PUDP: variants seen among roughly 807,000 people sequenced by gnomAD.
PUDP encodes the protein pseudouridine-5'-phosphatase.
PUDP carries 8 observed loss-of-function variants against 9.4 expected under a neutral mutation model. That is an observed-to-expected ratio of 0.85 (90% CI 0.50 to 1.53). The LOEUF is 1.53. PUDP is among the 40% of genes most tolerant of loss of function. PUDP has a pLI of 0.00. For synonymous variants in PUDP, 99 were observed against 80.7 expected, an observed-to-expected ratio of 1.23 and a Z score of -1.22; for missense variants, 188 against 189.7, an observed-to-expected ratio of 0.99 and a Z score of 0.05.
intron 2 of PUDP, among the ~76,000 whole-genome samples, chrX:7,096,435 G>A (rs1307364238): frequency 1.8e-5 from 2 of 110,835 alleles, no homozygotes; most frequent in African/African-American, 3.3e-5. Flanking sequence ...ACTGAGTAAC[G>A]GTTATCTCCA....
intron 3 of PUDP, among the ~76,000 whole-genome samples, chrX:6,857,261 GA>G (rs2146725947): frequency 8.8e-6 from 1 of 113,031 alleles, no homozygotes; most frequent in South Asian, 3.6e-4. Flanking sequence ...AGAATAATCA[GA>G]ATATAATGTG....
intron 2 of PUDP, among the ~76,000 whole-genome samples, chrX:7,093,605 CCT>C (rs1296509148): frequency 2.7e-5 from 3 of 111,687 alleles, no homozygotes; most frequent in Non-Finnish European, 5.6e-5. Context: ...CCCCTCAAAG[CCT>C]GTCTGTGCAG....
chrX:6,854,906 A>G (rs1479851439), intron 3 of PUDP, among the ~76,000 whole-genome samples: 1 of 111,524 alleles, frequency 9.0e-6, no homozygotes, highest in Non-Finnish European at 1.9e-5. Flanking sequence ...AAAGAAAGTT[A>G]AAGAAGATAA....
chrX:7,062,116 CA>C (rs2146848504), intron 3 of PUDP, among the ~76,000 whole-genome samples: 1 of 112,092 alleles, frequency 8.9e-6, no homozygotes, highest in East Asian at 2.8e-4. Flanking sequence ...CAATAGCTAT[CA>C]GCAATTCAAG....
chrX:6,954,646 G>A (rs947131176), intron 3 of PUDP, among the ~76,000 whole-genome samples: 1 of 112,020 alleles, frequency 8.9e-6, no homozygotes, highest in Non-Finnish European at 1.9e-5. Context: ...TCACTGAAAG[G>A]TGTTATGCAT....
At chrX:7,005,647 T>C (rs1929392674) in intron 1 of PUDP, among the ~76,000 whole-genome samples, 1 of 111,038 alleles carries the variant, frequency 9.0e-6, no homozygotes, top group African/African-American at 3.3e-5. Flanking sequence ...TGAACTCAAA[T>C]GATCTTCCTG....
intron 1 of PUDP, among the ~76,000 whole-genome samples, chrX:7,026,875 G>A (rs1316283824): frequency 3.6e-5 from 4 of 111,484 alleles, no homozygotes; most frequent in African/African-American, 9.8e-5. Context: ...GGGAACTCTC[G>A]TGTGTCTGAC....
rs139155420 is a variant in PUDP, at chrX:6,982,957, A to T, written c.205-4614T>A. ...AATGTCCATTGCCCGGCGAAAGGAT[A>T]AACAAAATGTGGTCCATCCATACAA... On this transcript the variant is annotated intron_variant and NMD_transcript_variant, in intron 1 of 3. Coordinates refer to the PUDP transcript ENST00000655425. Among the ~76,000 whole-genome samples, 7 of 112,372 alleles carry T rather than the reference A, an allele frequency of 6.2e-5. No individual in the cohort carries two copies. In the East Asian group the frequency reaches 1.7e-3, roughly 27 times the overall value.
chrX:6,720,291 CA>C (rs1924657215), intron 1 of PUDP, among the ~76,000 whole-genome samples: 2 of 47,721 alleles, frequency 4.2e-5, no homozygotes, highest in African/African-American at 9.8e-5. Context: ...TATATATACA[CA>C]CACACACATA....
rs1423554009 is a variant in PUDP at position 6,947,719 on chromosome X, G to T, written c.*247+29414C>A. On this transcript the variant is annotated intron_variant and NMD_transcript_variant, in intron 3 of 3. Coordinates refer to the PUDP transcript ENST00000655425. ...AAGTGGGAGGATCAGTTGAGCTCAG[G>T]AGTTCAAGGTTACAGTGCACTGTGA... Among the ~76,000 whole-genome samples the T allele has an allele frequency of 2.7e-5, 3 of 110,698 alleles. No homozygotes were observed. The East Asian group carries it at 8.5e-4, about 31-fold the overall frequency.
In PUDP at chrX:7,050,184, G is replaced by T; in HGVS notation, c.*112C>A. 1 of 722,863 alleles carries T rather than the reference G, an allele frequency of 1.4e-6. No individual in the cohort carries two copies. The highest frequency in any genetic ancestry group is 2.1e-5 in the African/African-American group (1 of 46,777). The allele number at this position is 722,863 out of a possible 1,213,427, so 59.6% of individuals were successfully genotyped here. On this transcript the variant is annotated 3_prime_UTR_variant, in exon 4 of 4. Coordinates refer to ENST00000381077, the MANE Select transcript of PUDP (RefSeq NM_012080.5). Reference sequence around the variant, plus strand: ...GGGATGGAAACTCCAATCTCAGGAGGCTAAAATCACAGCGCAGGTTGGGAT... The same window carrying T: ...GGGATGGAAACTCCAATCTCAGGAGTCTAAAATCACAGCGCAGGTTGGGAT...
At chrX:6,843,363 A>C (rs1229859416) in intron 3 of PUDP, among the ~76,000 whole-genome samples, 1 of 111,818 alleles carries the variant, frequency 8.9e-6, no homozygotes, top group African/African-American at 3.3e-5. Context: ...CTGAAAACTC[A>C]GTCTGAGAAC....
intron 3 of PUDP, among the ~76,000 whole-genome samples, chrX:6,928,379 G>C (rs147849406): frequency 8.4e-4 from 94 of 111,560 alleles, no homozygotes; most frequent in African/African-American, 2.9e-3. Context: ...GAGGACATCA[G>C]AGAGACCTTG....
intron 3 of PUDP, among the ~76,000 whole-genome samples, chrX:6,816,803 AATAT>A (rs1195468071): frequency 1.0e-5 from 1 of 95,819 alleles, no homozygotes; most frequent in Non-Finnish European, 2.0e-5. Context: ...TAGTATATAC[AATAT>A]ATATACACAT....
At chrX:6,883,414 T>C (rs949600368) in intron 3 of PUDP, among the ~76,000 whole-genome samples, 1 of 106,544 alleles carries the variant, frequency 9.4e-6, no homozygotes, top group African/African-American at 3.5e-5. Flanking sequence ...CCCTGATACT[T>C]ATGAGGCTGA....
intron 3 of PUDP, among the ~76,000 whole-genome samples, chrX:6,971,903 T>C (rs1282289913): frequency 8.9e-6 from 1 of 112,169 alleles, no homozygotes; most frequent in African/African-American, 3.2e-5. Context: ...CAATGGTTTG[T>C]AGTTCTCCTT....
intron 1 of PUDP, among the ~76,000 whole-genome samples, chrX:7,115,942 A>G (rs1932183177): frequency 8.9e-6 from 1 of 112,706 alleles, no homozygotes; most frequent in African/African-American, 3.2e-5. Flanking sequence ...AGGCATTATT[A>G]CATTTGCGGG....
At chrX:7,015,748 T>A (rs1332032989) in intron 1 of PUDP, among the ~76,000 whole-genome samples, 2 of 110,078 alleles carry the variant, frequency 1.8e-5, no homozygotes, top group Admixed American at 1.9e-4. Flanking sequence ...ACTAATTTTT[T>A]AAAATGTTTG....
intron 3 of PUDP, among the ~76,000 whole-genome samples, chrX:6,828,570 T>C (rs755059843): frequency 9.0e-6 from 1 of 111,609 alleles, no homozygotes; most frequent in African/African-American, 3.3e-5. Context: ...CCAGACTCCA[T>C]AGTTTACATG....
Sources: gnomAD v4.1 joint callset for allele counts (sites outside exome capture counted in the v4.1 genomes callset) on GRCh38, gnomAD v4.1.1 for gene constraint, MANE v1.5 for transcripts, NCBI Gene and HGNC (gene_info 2026-07-23, HGNC 2026-07-21) for gene names.